KCNK2: variants seen among roughly 807,000 people sequenced by gnomAD.
KCNK2 encodes potassium channel subfamily K member 2.
In KCNK2, 21 loss-of-function variants were observed where a neutral mutation model predicts 40.5. That is an observed-to-expected ratio of 0.52 (90% confidence interval 0.37 to 0.75). The LOEUF (loss-of-function observed/expected upper bound fraction) is 0.75. KCNK2 is among the 30% of genes least tolerant of loss of function. The pLI, the probability that KCNK2 is intolerant of heterozygous loss-of-function variation, is 0.00. For missense variants in KCNK2, 399 were observed against 531.6 expected, an observed-to-expected ratio of 0.75 and a Z score of 2.45; for synonymous variants, 191 against 202.2, an observed-to-expected ratio of 0.94 and a Z score of 0.47.
rs549182382 is a variant in KCNK2, at chr1:215,179,244, T to A, written c.823+7061T>A. ...TTGTGCTTATTTGGATCTTCTCTCA[T>A]TTTTTTCTTTGTTAATCTAGCTGTC... is the stretch of plus-strand genomic sequence containing the variant. On this transcript the variant is annotated intron_variant, in intron 5 of 6. Coordinates refer to ENST00000444842, the MANE Select transcript of KCNK2 (RefSeq NM_001017425.3). 4.7e-3 allele frequency among the ~76,000 whole-genome samples: 715 copies of A among 152,152 alleles called. 8 individuals are homozygous for A. Among genetic ancestry groups the A allele is most frequent in the Non-Finnish European group, 7.3e-3 (497 of 67,954 alleles).
chr1:215,090,458 A>G (rs2102535644), intron 2 of KCNK2, among the ~76,000 whole-genome samples: 1 of 152,322 alleles, frequency 6.6e-6, no homozygotes, highest in South Asian at 2.1e-4. Flanking sequence ...TTAAGGTATA[A>G]TGAATATTAT....
chr1:215,045,143 C>A (rs1266414113), intron 1 of KCNK2, among the ~76,000 whole-genome samples: 2 of 151,594 alleles, frequency 1.3e-5, no homozygotes, highest in Admixed American at 6.6e-5. Flanking sequence ...GAGATCGTGC[C>A]ACTGAACTCC....
intron 4 of KCNK2, 102 bp downstream of exon 4, chr1:215,169,461 A>AT: frequency 1.1e-6 from 1 of 885,696 alleles, no homozygotes; most frequent in Non-Finnish European, 1.7e-6. Flanking sequence ...TTCAATTATT[A>AT]GGGCTTCCAT....
intron 6 of KCNK2, among the ~76,000 whole-genome samples, chr1:215,230,916 C>T (rs1405961944): frequency 6.6e-6 from 1 of 152,078 alleles, no homozygotes; most frequent in Non-Finnish European, 1.5e-5. Flanking sequence ...AAATTGAATG[C>T]AATTAAAGAT....
chr1:215,079,671 C>A (rs886796100), upstream of KCNK2, among the ~76,000 whole-genome samples: 1 of 152,104 alleles, frequency 6.6e-6, no homozygotes, highest in Non-Finnish European at 1.5e-5. Flanking sequence ...GACACAAATC[C>A]AAACCATATC....
At chr1:215,188,725 G>T (rs375990346) in intron 5 of KCNK2, among the ~76,000 whole-genome samples, 1 of 152,092 alleles carries the variant, frequency 6.6e-6, no homozygotes, top group Non-Finnish European at 1.5e-5. Context: ...TAACTGAGTA[G>T]AAATTTGCCA....
chr1:215,083,237 CTTGTAAAA>C lies in KCNK2; in HGVS notation c.-148_-141del. The C allele has an allele frequency of 6.2e-7, 1 of 1,600,588 alleles. No homozygotes were observed. The highest frequency in any genetic ancestry group is 8.5e-7 in the Non-Finnish European group (1 of 1,172,042). ...CCGCGTCCAGCCCCGCTCTCCCCAC[CTTGTAAAA>C]CAAAGCCGGGGAAAATGCCTGCCCG... On this transcript the variant is annotated 5_prime_UTR_variant, in exon 1 of 7. Coordinates refer to ENST00000444842, the MANE Select transcript of KCNK2 (RefSeq NM_001017425.3).
At chr1:215,089,629 G>A (rs1325815642) in intron 2 of KCNK2, among the ~76,000 whole-genome samples, 1 of 152,064 alleles carries the variant, frequency 6.6e-6, no homozygotes, top group Non-Finnish European at 1.5e-5. Flanking sequence ...TGTTATAGAA[G>A]CATGTGTGTA....
chr1:215,223,475 C>T (rs1009025834), intron 6 of KCNK2, among the ~76,000 whole-genome samples: 3 of 151,952 alleles, frequency 2.0e-5, no homozygotes, highest in African/African-American at 7.2e-5. Flanking sequence ...ATAGATAAGG[C>T]AGGGTAAGCT....
chr1:215,045,080 A>T (rs1657721585), intron 1 of KCNK2, among the ~76,000 whole-genome samples: 1 of 152,030 alleles, frequency 6.6e-6, no homozygotes, highest in Admixed American at 6.6e-5. Flanking sequence ...CTTACTCCTG[A>T]GGCTGAGGCA....
At chr1:215,149,091 C>T (rs370777627) in intron 3 of KCNK2, among the ~76,000 whole-genome samples, 33 of 152,058 alleles carry the variant, frequency 2.2e-4, no homozygotes, top group African/African-American at 7.5e-4. Context: ...ACTGAAGCTG[C>T]GCTTTAGAAA....
At chr1:215,126,302 G>C (rs1242692326) in intron 3 of KCNK2, among the ~76,000 whole-genome samples, 2 of 151,996 alleles carry the variant, frequency 1.3e-5, no homozygotes, top group Non-Finnish European at 2.9e-5. Flanking sequence ...TTTTTAAGAG[G>C]TCAAGAAACT....
intron 1 of KCNK2, among the ~76,000 whole-genome samples, chr1:215,044,680 T>G (rs1158206116): frequency 6.6e-6 from 1 of 152,114 alleles, no homozygotes; most frequent in African/African-American, 2.4e-5. Context: ...AAATCCTGAA[T>G]AAGTGGAACT....
rs1251174143 is a variant in KCNK2 at position 215,012,591 on chromosome 1, C to G, written c.34+6636C>G. 2.0e-5 allele frequency among the ~76,000 whole-genome samples: 3 copies of G among 151,404 alleles called. No individual in the cohort carries two copies. In the East Asian group the frequency reaches 5.8e-4, roughly 29 times the overall value. The stretch of plus-strand genomic sequence containing the variant: ...GGCTCAAGTGATCCTCCTGCCTCAG[C>G]CTGCCAAGTAGCTGGGATTACTGGT... On this transcript the variant is annotated intron_variant, in intron 1 of 6. Transcript: ENST00000391895.
intron 2 of KCNK2, among the ~76,000 whole-genome samples, chr1:215,111,166 A>T (rs1206641643): frequency 6.6e-6 from 1 of 152,054 alleles, no homozygotes; most frequent in Non-Finnish European, 1.5e-5. Context: ...ATGTAATCTG[A>T]GAGCAGAGGT....
intron 5 of KCNK2, among the ~76,000 whole-genome samples, chr1:215,188,150 G>A (rs905148596): frequency 1.3e-5 from 2 of 152,136 alleles, no homozygotes; most frequent in African/African-American, 4.8e-5. Flanking sequence ...GTGAAATTGA[G>A]TATATTTGGT....
intron 6 of KCNK2, among the ~76,000 whole-genome samples, chr1:215,198,076 TCTCAACTGAA>T (rs1278134717): frequency 6.6e-6 from 1 of 152,216 alleles, no homozygotes; most frequent in East Asian, 1.9e-4. Context: ...TCTTCATGAC[TCTCAACTGAA>T]AGTATGAGGT....
At chr1:215,079,803 G>GT (rs1223591607), upstream of KCNK2, among the ~76,000 whole-genome samples, 2 of 152,172 alleles carry the variant, frequency 1.3e-5, no homozygotes, top group East Asian at 3.8e-4. Context: ...AACAGCATGA[G>GT]TAAGTCTACA....
intron 2 of KCNK2, among the ~76,000 whole-genome samples, chr1:215,104,349 A>G (rs1285371277): frequency 6.6e-6 from 1 of 152,016 alleles, no homozygotes; most frequent in Non-Finnish European, 1.5e-5. Context: ...TCTTATAAAT[A>G]CCATCATCGT....
Sources: allele counts gnomAD v4.1 joint callset (sites outside exome capture counted in the v4.1 genomes callset), GRCh38; gene constraint gnomAD v4.1.1; transcripts MANE v1.5; gene names NCBI Gene and HGNC (gene_info 2026-07-23, HGNC 2026-07-21).